Variants in VPS13B observed in about 807,000 individuals in gnomAD.
The protein encoded by VPS13B is intermembrane lipid transfer protein VPS13B.
VPS13B carries 285 observed loss-of-function variants against 426.4 expected under a neutral mutation model. That is an observed-to-expected ratio of 0.67 (90% CI 0.61 to 0.74). VPS13B has a LOEUF of 0.74. Among genes scored for constraint, VPS13B ranks in the 30% least tolerant of loss-of-function variants. The probability of loss-of-function intolerance (pLI) is 0.00; values close to 1 mark genes in which losing one functional copy is unlikely to be tolerated. For missense variants in VPS13B, 4,537 were observed against 4,782.6 expected, an observed-to-expected ratio of 0.95 and a Z score of 1.51; for synonymous variants, 1,676 against 1,676.4, an observed-to-expected ratio of 1.00 and a Z score of 0.01.
At chr8:99,617,538 G>T (rs976719413) in intron 33 of VPS13B, among the ~76,000 whole-genome samples, 1 of 152,122 alleles carries the variant, frequency 6.6e-6, no homozygotes, top group Non-Finnish European at 1.5e-5. Context: ...GGTTGGCCAG[G>T]CTGGTCTCGA....
intron 21 of VPS13B, among the ~76,000 whole-genome samples, chr8:99,410,149 A>T (rs1260534558): frequency 6.6e-6 from 1 of 152,202 alleles, no homozygotes; most frequent in Admixed American, 6.5e-5. Flanking sequence ...AAAATTTGTT[A>T]AAAATAAAAA....
rs1827673864 is a variant in VPS13B at position 99,607,962 on chromosome 8, G to A, written c.5220+30329G>A. On this transcript the variant is annotated intron_variant, in intron 33 of 61. Transcript: ENST00000357162. ...TTAATGTATGCCTTAATGAAAGACA[G>A]CTAGATTCCTTTATTTGCTTCAGTC... 3.3e-5 allele frequency among the ~76,000 whole-genome samples: 5 copies of A among 152,116 alleles called. No homozygotes were observed. The South Asian group carries it at 1.0e-3, about 32-fold the overall frequency.
chr8:99,782,993 C>T (rs565241934), intron 42 of VPS13B, among the ~76,000 whole-genome samples: 4 of 152,042 alleles, frequency 2.6e-5, no homozygotes, highest in Non-Finnish European at 5.9e-5. Context: ...TCCTCAAGGG[C>T]CTCTGGAAGA....
intron 39 of VPS13B, among the ~76,000 whole-genome samples, chr8:99,752,403 T>G (rs1054520877): frequency 6.6e-6 from 1 of 152,132 alleles, no homozygotes; most frequent in African/African-American, 2.4e-5. Context: ...CCACCACCTG[T>G]TTTTGTAAAT....
In VPS13B at chr8:99,870,301, T is replaced by C. The variant is rs139619170; in HGVS notation, c.11393-484T>C. Among the ~76,000 whole-genome samples, 5 of 152,216 alleles carry C rather than the reference T, an allele frequency of 3.3e-5. No individual in the cohort carries two copies. The East Asian group carries it at 5.8e-4, about 18-fold the overall frequency. ...CTCCCACCTCAGCCTCTGGAGTAGC[T>C]AGGACTACAGGCATGCACCACTATT... On this transcript the variant is annotated intron_variant, in intron 59 of 61. Transcript: ENST00000357162.
In VPS13B at chr8:99,256,243, T is replaced by A. The variant is rs899485722; in HGVS notation, c.2516-17955T>A. Among the ~76,000 whole-genome samples the A allele has an allele frequency of 9.2e-5, 14 of 152,320 alleles. No homozygotes were observed. The East Asian group carries it at 9.6e-4, about 10-fold the overall frequency. On this transcript the variant is annotated intron_variant, in intron 17 of 61. Transcript: ENST00000357162. ...TGCTGGGTCTACATGTCCCTTCCTTTTTAAGGCTGACTAATATTCTATTGT... is the reference window on the plus strand; with the variant it reads ...TGCTGGGTCTACATGTCCCTTCCTTATTAAGGCTGACTAATATTCTATTGT...
chr8:99,260,933 G>A (rs903488916), intron 17 of VPS13B, among the ~76,000 whole-genome samples: 1 of 151,782 alleles, frequency 6.6e-6, no homozygotes, highest in African/African-American at 2.4e-5. Flanking sequence ...AGTTACTTAA[G>A]TTTTTCTTTT....
intron 3 of VPS13B, among the ~76,000 whole-genome samples, chr8:99,047,987 T>A (rs1843319985): frequency 6.6e-6 from 1 of 152,068 alleles, no homozygotes; most frequent in African/African-American, 2.4e-5. Flanking sequence ...TGTGCTCTGC[T>A]CTATGAACTT....
chr8:99,591,742 G>A (rs201114194), intron 33 of VPS13B, among the ~76,000 whole-genome samples: 4 of 151,608 alleles, frequency 2.6e-5, no homozygotes, highest in South Asian at 4.2e-4. Context: ...GATGGGCTTC[G>A]CTTTGTGGGT....
At chr8:99,087,765 T>A (rs1315012870) in intron 3 of VPS13B, among the ~76,000 whole-genome samples, 1 of 152,118 alleles carries the variant, frequency 6.6e-6, no homozygotes, top group Non-Finnish European at 1.5e-5. Context: ...TAACTTGTAT[T>A]TTAAATGAGT....
intron 15 of VPS13B, among the ~76,000 whole-genome samples, chr8:99,162,505 G>A (rs1222651085): frequency 6.6e-6 from 1 of 152,022 alleles, no homozygotes; most frequent in African/African-American, 2.4e-5. Context: ...TTAAGGTGGC[G>A]CGTCTGGAGT....
At chr8:99,809,852 G>A (rs1305943518) in intron 44 of VPS13B, among the ~76,000 whole-genome samples, 4 of 152,160 alleles carry the variant, frequency 2.6e-5, no homozygotes, top group Non-Finnish European at 5.9e-5. Context: ...CCTTTATTGA[G>A]AAGGAAAAGA....
intron 21 of VPS13B, among the ~76,000 whole-genome samples, chr8:99,416,905 C>T (rs907985575): frequency 1.3e-5 from 2 of 152,120 alleles, no homozygotes; most frequent in Non-Finnish European, 2.9e-5. Context: ...TTTTATAGTG[C>T]AGTATTTGTC....
intron 17 of VPS13B, among the ~76,000 whole-genome samples, chr8:99,219,941 C>G (rs566171176): frequency 1.1e-4 from 17 of 152,324 alleles, no homozygotes; most frequent in African/African-American, 3.6e-4. Context: ...AGCTACCTTA[C>G]TCAGATCGAG....
intron 17 of VPS13B, chr8:99,233,483 T>G: frequency 3.0e-6 from 4 of 1,326,436 alleles, no homozygotes; most frequent in Non-Finnish European, 4.3e-6. Context: ...ATGAAGAGAT[T>G]CACAATCTCC....
chr8:99,096,903 C>T (rs945556340), intron 4 of VPS13B, among the ~76,000 whole-genome samples: 8 of 152,170 alleles, frequency 5.3e-5, no homozygotes, highest in Non-Finnish European at 8.8e-5. Flanking sequence ...GTGTAAACCA[C>T]TGTACCAAGC....
At chr8:99,846,207 T>A (rs1815976094) in intron 54 of VPS13B, among the ~76,000 whole-genome samples, 1 of 152,214 alleles carries the variant, frequency 6.6e-6, no homozygotes, top group African/African-American at 2.4e-5. Context: ...ATTGCCCTCA[T>A]GGAACTTACA....
chr8:99,599,836 C>A (rs150223938), intron 33 of VPS13B, among the ~76,000 whole-genome samples: 1 of 152,048 alleles, frequency 6.6e-6, no homozygotes, highest in African/African-American at 2.4e-5. Context: ...GATTCTCGGA[C>A]TTTAGCAAAT....
At chr8:99,220,180 G>A (rs1815632266) in intron 17 of VPS13B, among the ~76,000 whole-genome samples, 1 of 152,142 alleles carries the variant, frequency 6.6e-6, no homozygotes, top group Admixed American at 6.5e-5. Flanking sequence ...ACAGAGTTTT[G>A]GAGTCATTTG....
Sources: allele counts gnomAD v4.1 joint callset (sites outside exome capture counted in the v4.1 genomes callset), GRCh38; gene constraint gnomAD v4.1.1; transcripts MANE v1.5; gene names NCBI Gene and HGNC (gene_info 2026-07-23, HGNC 2026-07-21).